The following ALPK3 variants were observed in gnomAD, a reference collection of about 807,000 sequenced individuals.
ALPK3 encodes alpha-protein kinase 3.
In ALPK3, 102 loss-of-function variants were observed where a neutral mutation model predicts 140.0. That is an observed-to-expected ratio of 0.73 (90% CI 0.62 to 0.86). ALPK3 has a LOEUF of 0.86. ALPK3 is among the 40% of genes least tolerant of loss of function. The probability of loss-of-function intolerance (pLI) is 0.00; values close to 1 mark genes in which losing one functional copy is unlikely to be tolerated. For missense variants in ALPK3, 2,254 were observed against 2,208.2 expected, an observed-to-expected ratio of 1.02 and a Z score of -0.42; for synonymous variants, 938 against 898.5, an observed-to-expected ratio of 1.04 and a Z score of -0.79.
chr15:84,868,452 G>T lies in ALPK3; in HGVS notation c.5114G>T (p.Arg1705Leu). ...QEEGSKAQGM[R>L] The stretch of plus-strand genomic sequence containing the variant: ...GAGGGCTCCAAGGCCCAGGGCATGC[G>T]GTAGCCTCCGCAGAGGCTGGGGGCC... Residue 1705 changes from arginine (R) to leucine (L), a missense_variant, in exon 14 of 14, where the codon CGG becomes CTG. Coordinates refer to ENST00000258888, the MANE Select transcript of ALPK3 (RefSeq NM_020778.5). The T allele has an allele frequency of 6.2e-7, 1 of 1,605,288 alleles. No homozygotes were observed. Among genetic ancestry groups the T allele is most frequent in the Non-Finnish European group, 8.5e-7 (1 of 1,178,952 alleles).
At chr15:84,856,263 G>C (rs764584567) in intron 5 of ALPK3, 129 bp from the exon 6 acceptor site, 43 of 1,373,156 alleles carry the variant, frequency 3.1e-5, no homozygotes, top group African/African-American at 4.4e-5. Flanking sequence ...CAGCAGGCCT[G>C]AGAAACCAGG....
rs759907114 is a variant in ALPK3 at position 84,840,602 on chromosome 15, G to A, written c.1323G>A (p.Ala441=). Residue 441 remains alanine, a synonymous_variant, in exon 5 of 14, where the codon GCG becomes GCA. Coordinates refer to ENST00000258888, the MANE Select transcript of ALPK3 (RefSeq NM_020778.5). ...EEGPQTLSVR[A]PGESPKGKAP... Reference sequence around the variant, plus strand: ...GACCCCAGACCCTGAGTGTCCGGGCGCCTGGGGAGAGTCCCAAGGGGAAGG... The same window carrying A: ...GACCCCAGACCCTGAGTGTCCGGGCACCTGGGGAGAGTCCCAAGGGGAAGG... 16 of 1,561,580 alleles carry A rather than the reference G, an allele frequency of 1.0e-5. No homozygotes were observed. Among genetic ancestry groups the A allele is most frequent in the Non-Finnish European group, 1.3e-5 (15 of 1,157,034 alleles).
rs1218742787 is a variant in ALPK3 at position 84,871,903 on chromosome 15, T to C, written c.*3447T>C. The C allele has an allele frequency of 1.3e-5, 2 of 152,234 alleles. No homozygotes were observed. The highest frequency in any genetic ancestry group is 2.9e-5 in the Non-Finnish European group (2 of 68,044). The allele number at this position is 152,234 out of a possible 1,614,324, so 9.4% of individuals were successfully genotyped here. ...ATGGCATTTGAGAATTCCATGGATA[T>C]TGATGGCAGGAGAGGCATGATGGGT... On this transcript the variant is annotated 3_prime_UTR_variant, in exon 14 of 14. Coordinates refer to ENST00000258888, the MANE Select transcript of ALPK3 (RefSeq NM_020778.5).
At chr15:84,867,569 C>T (rs1964015535) in intron 13 of ALPK3, among the ~76,000 whole-genome samples, 1 of 152,024 alleles carries the variant, frequency 6.6e-6, no homozygotes, top group Non-Finnish European at 1.5e-5. Context: ...TTACTGATGC[C>T]ACACATGGGG....
chr15:84,860,995 G>A (rs1336635264), intron 9 of ALPK3, among the ~76,000 whole-genome samples: 1 of 152,198 alleles, frequency 6.6e-6, no homozygotes, highest in African/African-American at 2.4e-5. Context: ...GTGCCAATTA[G>A]TGACTTTTGT....
chr15:84,844,578 C>G (rs745938549), intron 5 of ALPK3, among the ~76,000 whole-genome samples: 2 of 152,010 alleles, frequency 1.3e-5, no homozygotes, highest in Non-Finnish European at 2.9e-5. Context: ...TGGAAAAGGC[C>G]GAGCGCAGTG....
At position 84,858,010 on chromosome 15, in the gene ALPK3, G is replaced by T. The variant is rs746835641; in HGVS notation, c.3272G>T (p.Gly1091Val). ...CTGGCCTCAGAAGGAGCCAGTGAGG[G>T]TGAAGGAGAGGTTTCCCCTGAGGGG... ...PGLASEGASE[G>V]EGEVSPEGPG... Residue 1091 changes from glycine to valine, a missense_variant, in exon 6 of 14, where the codon GGT (glycine) becomes GTT (valine). By Grantham distance (109) the Gly-to-Val change is moderately radical. Coordinates refer to ENST00000258888, the MANE Select transcript of ALPK3 (RefSeq NM_020778.5). The T allele has an allele frequency of 4.4e-6, 7 of 1,590,862 alleles. No homozygotes were observed. The East Asian group carries it at 1.3e-4, about 31-fold the overall frequency.
In ALPK3 at chr15:84,868,641, A is replaced by G. The variant is rs1475647494; in HGVS notation, c.*185A>G. ...ATCAGATGGCTTTGGTGCATGGCAC[A>G]TAGCCCACTGGCCTCTTCTGGTGCC... On this transcript the variant is annotated 3_prime_UTR_variant, in exon 14 of 14. Transcript: ENST00000258888. 7.7e-6 allele frequency: 5 copies of G among 651,206 alleles called. No homozygotes were observed. The East Asian group carries it at 1.1e-4, about 14-fold the overall frequency. 40.3% of individuals were successfully genotyped at this position (651,206 alleles called of 1,614,324 possible). A position where few individuals can be genotyped will look rare whatever the true frequency, so the allele number is the denominator to read the frequency against.
At chr15:84,866,696 T>A (rs1473950574) in intron 12 of ALPK3, among the ~76,000 whole-genome samples, 1 of 152,244 alleles carries the variant, frequency 6.6e-6, no homozygotes. Context: ...TCTTGCTTGC[T>A]TGCTGCCTTT....
intron 5 of ALPK3, among the ~76,000 whole-genome samples, chr15:84,841,935 A>G (rs1197248084): frequency 6.6e-6 from 1 of 152,216 alleles, no homozygotes; most frequent in Non-Finnish European, 1.5e-5. Flanking sequence ...GCTGGGGTGG[A>G]TAAAATAGAT....
Position 84,840,819 on chromosome 15 carries a change from G to C in ALPK3, c.1540G>C (p.Gly514Arg). ...TCCAGAATGCGGGGCCCAGAGCTTA[G>C]GAAAGGCCCCACCTCAGGCCTCTGT... ...QAPECGAQSLGKAPPQASVQV... is the reference protein window; with the variant it reads ...QAPECGAQSLRKAPPQASVQV... The change falls in exon 5 of 14, where the codon GGA (glycine) becomes CGA (arginine). Residue 514 changes from glycine (G) to arginine (R), a missense_variant. Gly to Arg is a moderately radical substitution (Grantham distance 125). Transcript: ENST00000258888. The C allele has an allele frequency of 6.2e-7, 1 of 1,614,248 alleles. No individual in the cohort carries two copies. The highest frequency in any genetic ancestry group is 8.5e-7 in the Non-Finnish European group (1 of 1,180,040).
At chr15:84,835,114 T>C (rs895410070) in intron 3 of ALPK3, among the ~76,000 whole-genome samples, 2 of 152,196 alleles carry the variant, frequency 1.3e-5, no homozygotes, top group East Asian at 3.9e-4. Context: ...TGGACTCAGA[T>C]GCCCTGGAGA....
chr15:84,824,423 T>C (rs777857312), intron 2 of ALPK3, among the ~76,000 whole-genome samples: 3 of 152,206 alleles, frequency 2.0e-5, no homozygotes, highest in African/African-American at 4.8e-5. Flanking sequence ...TTGGGCCTCA[T>C]CCCAGACTCT....
intron 1 of ALPK3, among the ~76,000 whole-genome samples, chr15:84,822,190 CAG>C (rs1963434166): frequency 6.6e-6 from 1 of 151,992 alleles, no homozygotes. Flanking sequence ...ACAACAAGAG[CAG>C]AGAGGAAGGG....
At chr15:84,851,062 T>C (rs1011317610) in intron 5 of ALPK3, among the ~76,000 whole-genome samples, 3 of 152,134 alleles carry the variant, frequency 2.0e-5, no homozygotes, top group Non-Finnish European at 4.4e-5. Context: ...GATTAGCAGA[T>C]GACATATGCA....
At chr15:84,850,914 A>ACACACACACACACACACACACC (rs1434291716) in intron 5 of ALPK3, among the ~76,000 whole-genome samples, 3 of 149,242 alleles carry the variant, frequency 2.0e-5, no homozygotes, top group African/African-American at 7.6e-5. Context: ...ACACACACAC[A>ACACACACACACACACACACACC]CCCTCTGTCA....
At chr15:84,851,528 C>G (rs1236331307) in intron 5 of ALPK3, among the ~76,000 whole-genome samples, 2 of 152,198 alleles carry the variant, frequency 1.3e-5, no homozygotes, top group African/African-American at 4.8e-5. Flanking sequence ...CTCCCCACTT[C>G]CCTATCCCCA....
Position 84,870,816 on chromosome 15 carries a change from G to C in ALPK3, c.*2360G>C, listed in dbSNP as rs1268287109. The C allele has an allele frequency of 1.3e-5, 2 of 152,216 alleles. No individual in the cohort carries two copies. Among genetic ancestry groups the C allele is most frequent in the African/African-American group, 4.8e-5 (2 of 41,452 alleles). 9.4% of individuals were successfully genotyped at this position (152,216 alleles called of 1,614,324 possible). ...CGGACTCTTGCCACATGGAATGGTG[G>C]AGTACGGAAGGGTGGAAAGGGTTTG... On this transcript the variant is annotated 3_prime_UTR_variant, in exon 14 of 14. Coordinates refer to ENST00000258888, the MANE Select transcript of ALPK3 (RefSeq NM_020778.5).
intron 1 of ALPK3, among the ~76,000 whole-genome samples, chr15:84,822,561 C>G (rs1292609583): frequency 2.0e-5 from 3 of 152,148 alleles, no homozygotes; most frequent in African/African-American, 7.2e-5. Flanking sequence ...CAGGTCCCCA[C>G]TGGAGATTTT....
Sources: allele counts gnomAD v4.1 joint callset (sites outside exome capture counted in the v4.1 genomes callset), GRCh38; gene constraint gnomAD v4.1.1; transcripts MANE v1.5; gene names NCBI Gene and HGNC (gene_info 2026-07-23, HGNC 2026-07-21).